The following HNF1B variants were observed in gnomAD, a reference collection of about 807,000 sequenced individuals.
The protein encoded by HNF1B is HNF1 homeobox B.
In HNF1B, 8 loss-of-function variants were observed where a neutral mutation model predicts 61.7. The ratio of observed to expected loss-of-function variants is 0.13; its 90% confidence interval spans 0.08 to 0.23. The LOEUF (loss-of-function observed/expected upper bound fraction) is 0.23. HNF1B is among the 10% of genes least tolerant of loss of function. The probability of loss-of-function intolerance (pLI) is 1.00; values close to 1 mark genes in which losing one functional copy is unlikely to be tolerated. For synonymous variants in HNF1B, 314 were observed against 287.7 expected (o/e 1.09, Z -0.93); for missense variants, 562 against 714.5 (o/e 0.79, Z 2.43).
chr17:37,731,691 C>A lies in HNF1B; in HGVS notation c.949G>T (p.Ala317Ser), dbSNP rs193922492. The change falls in exon 4 of 9, where the codon GCC (alanine) becomes TCC (serine). Residue 317 changes from alanine to serine, a missense_variant. Around this residue, in one of 6 missense-constraint regions of HNF1B, gnomAD observed 54 missense variants for 122.1 expected, o/e 0.44. Coordinates refer to ENST00000617811, the MANE Select transcript of HNF1B (RefSeq NM_000458.4). ...CTGTGAGTCTGGTTGGAGCTATAGGCGTCCATGGCCAGCTTTTGCCGGAAT... is the reference window on the plus strand; with the variant it reads ...CTGTGAGTCTGGTTGGAGCTATAGGAGTCCATGGCCAGCTTTTGCCGGAAT... ...EAFRQKLAMD[A>S]YSSNQTHSLN... is the part of the protein sequence containing the mutation. The A allele has an allele frequency of 2.5e-6, 4 of 1,614,104 alleles. No homozygotes were observed. In the Admixed American group the frequency reaches 5.0e-5, roughly 20 times the overall value.
chr17:37,739,709 G>A (rs2033936514), intron 1 of HNF1B, 70 bp from the exon 2 acceptor site: 1 of 1,356,606 alleles, frequency 7.4e-7, no homozygotes, highest in South Asian at 1.2e-5. Context: ...TTTTCTAGGG[G>A]GTGCTACCTA....
chr17:37,721,045 C>A, intron 4 of HNF1B: 2 of 724,954 alleles, frequency 2.8e-6, no homozygotes, highest in Non-Finnish European at 3.4e-6. Flanking sequence ...AACAAGAACT[C>A]ACATAGACTT....
chr17:37,697,037 G>A (rs1438927858), intron 8 of HNF1B, among the ~76,000 whole-genome samples: 1 of 152,184 alleles, frequency 6.6e-6, no homozygotes, highest in African/African-American at 2.4e-5. Flanking sequence ...AGTTACCGTA[G>A]AATTTTAAAG....
In HNF1B at chr17:37,733,374, T is replaced by C. The variant is rs2033743696; in HGVS notation, c.809+183A>G. ...GACTCTCTAAGGGGAAGTATCCATA[T>C]GCTGATTCTCAGACTTACTGATTAA... On this transcript the variant is annotated intron_variant, in intron 3 of 8. Transcript: ENST00000617811. 2.6e-5 allele frequency among the ~76,000 whole-genome samples: 4 copies of C among 152,230 alleles called. No homozygotes were observed. In the East Asian group the frequency reaches 7.7e-4, roughly 29 times the overall value.
chr17:37,690,966 A>C (rs2032181580), intron 8 of HNF1B, among the ~76,000 whole-genome samples: 1 of 152,158 alleles, frequency 6.6e-6, no homozygotes, highest in Non-Finnish European at 1.5e-5. Flanking sequence ...CACAGATGAG[A>C]AGAGGCCAAA....
chr17:37,689,532 A>C (rs2032118099), intron 8 of HNF1B, among the ~76,000 whole-genome samples: 1 of 152,210 alleles, frequency 6.6e-6, no homozygotes, highest in African/African-American at 2.4e-5. Flanking sequence ...AAAGAACTAG[A>C]GTTATTTGCC....
chr17:37,698,102 C>T (rs2032446577), intron 8 of HNF1B, among the ~76,000 whole-genome samples: 1 of 151,980 alleles, frequency 6.6e-6, no homozygotes. Context: ...AAGCCCATGG[C>T]AGTGGATGAA....
chr17:37,741,240 GAATA>G (rs1467094140), intron 1 of HNF1B, among the ~76,000 whole-genome samples: 1 of 152,138 alleles, frequency 6.6e-6, no homozygotes, highest in Non-Finnish European at 1.5e-5. Flanking sequence ...TCTGTTTAAT[GAATA>G]AAAATCCAGT....
chr17:37,701,176 G>A lies in HNF1B; in HGVS notation c.1341C>T (p.Ser447=), dbSNP rs1446262254. The A allele has an allele frequency of 6.4e-6, 10 of 1,550,548 alleles. No individual in the cohort carries two copies. Among genetic ancestry groups the A allele is most frequent in the African/African-American group, 2.7e-5 (2 of 73,016 alleles). Reference sequence around the variant, plus strand: ...CACTCTGTGCTTGGGAGGTGTTGAGGCCTGTGGGAGCAAGAGGAAAAGATC... The same window carrying A: ...CACTCTGTGCTTGGGAGGTGTTGAGACCTGTGGGAGCAAGAGGAAAAGATC... ...PLSGVMAIAQ[S]LNTSQAQSVP... is the part of the protein sequence containing the mutation. Residue 447 remains serine, a splice_region_variant and synonymous_variant, in exon 7 of 9, where the codon AGC becomes AGT. Transcript: ENST00000617811.
chr17:37,717,517 T>A (rs576036047), intron 4 of HNF1B, among the ~76,000 whole-genome samples: 1 of 152,220 alleles, frequency 6.6e-6, no homozygotes, highest in Non-Finnish European at 1.5e-5. Context: ...TCATAAATTA[T>A]GAGTAGACAC....
chr17:37,741,751 G>A (rs1342341144), intron 1 of HNF1B, among the ~76,000 whole-genome samples: 1 of 152,108 alleles, frequency 6.6e-6, no homozygotes, highest in Non-Finnish European at 1.5e-5. Context: ...CATTTTGTAT[G>A]CCTAAGAAAC....
In HNF1B at chr17:37,710,614, T is replaced by A; in HGVS notation, c.1095A>T (p.Thr365=). ...QGNNEITSSS[T]ISHHGNSAMV... ...TGGCGCTGTTGCCATGGTGACTGAT[T>A]GTTGAGGAGGAAGTGATCTCATTGT... Residue 365 remains threonine, a synonymous_variant, in exon 5 of 9, where the codon ACA becomes ACT. Transcript: ENST00000617811. 2 of 1,614,122 alleles carry A rather than the reference T, an allele frequency of 1.2e-6. No homozygotes were observed. The highest frequency in any genetic ancestry group is 1.7e-6 in the Non-Finnish European group (2 of 1,180,022).
At chr17:37,744,498 C>G (rs769603076) in intron 1 of HNF1B, 43 bp downstream of exon 1, 4 of 1,589,762 alleles carry the variant, frequency 2.5e-6, no homozygotes, top group South Asian at 1.1e-5. Context: ...GGCCGGGGCT[C>G]CAGGGGTTCG....
At chr17:37,744,170 G>A (rs1296651092) in intron 1 of HNF1B, among the ~76,000 whole-genome samples, 4 of 152,222 alleles carry the variant, frequency 2.6e-5, no homozygotes, top group Admixed American at 6.5e-5. Flanking sequence ...GCAGCGGCGC[G>A]AGGCTCTGCT....
At chr17:37,718,774 T>C (rs1285288940) in intron 4 of HNF1B, among the ~76,000 whole-genome samples, 1 of 152,184 alleles carries the variant, frequency 6.6e-6, no homozygotes, top group East Asian at 1.9e-4. Flanking sequence ...CTTGGCAGAG[T>C]CATGCTAAGC....
chr17:37,713,037 G>A (rs1009590228), intron 4 of HNF1B, among the ~76,000 whole-genome samples: 2 of 152,240 alleles, frequency 1.3e-5, no homozygotes, highest in African/African-American at 4.8e-5. Context: ...CAACCTGGGA[G>A]AGAGGTCTAG....
Position 37,687,469 on chromosome 17 carries a change from G to A in HNF1B, c.1654-77C>T, listed in dbSNP as rs75768300. On this transcript the variant is annotated intron_variant, in intron 8 of 8. Transcript: ENST00000617811. ...TGGGCCATTAGTTTGGCTTCTCTAAGGGAGATGATGCCCAACTCAACCAGC... is the reference window on the plus strand; with the variant it reads ...TGGGCCATTAGTTTGGCTTCTCTAAAGGAGATGATGCCCAACTCAACCAGC... 7.8e-5 allele frequency: 86 copies of A among 1,107,354 alleles called. No individual in the cohort carries two copies. In the African/African-American group the frequency reaches 8.1e-4, roughly 10 times the overall value. The allele number at this position is 1,107,354 out of a possible 1,614,324, so 68.6% of individuals were successfully genotyped here.
chr17:37,688,380 AACACAC>A (rs5820230), intron 8 of HNF1B, among the ~76,000 whole-genome samples: 2,769 of 136,154 alleles, frequency 0.02, 28 homozygotes, highest in Non-Finnish European at 0.028. Context: ...GATCCCCCCA[AACACAC>A]ACACACACAC....
intron 8 of HNF1B, among the ~76,000 whole-genome samples, chr17:37,694,783 C>G (rs781770397): frequency 3.2e-4 from 49 of 152,162 alleles, no homozygotes; most frequent in Non-Finnish European, 4.4e-5. Context: ...CCTAGGGTAT[C>G]TAACAGAAGA....
Sources: allele counts gnomAD v4.1 joint callset (sites outside exome capture counted in the v4.1 genomes callset), GRCh38; gene constraint gnomAD v4.1.1; regional missense constraint gnomAD v4.1.1; transcripts MANE v1.5; gene names NCBI Gene and HGNC (gene_info 2026-07-23, HGNC 2026-07-21).